SUCLG2: variants seen among roughly 807,000 people sequenced by gnomAD.
SUCLG2 encodes succinate--CoA ligase [GDP-forming] subunit beta, mitochondrial.
SUCLG2 carries 42 observed loss-of-function variants against 47.9 expected under a neutral mutation model. The ratio of observed to expected loss-of-function variants is 0.88; its 90% CI spans 0.69 to 1.14. The LOEUF is 1.14. Ranked by LOEUF, SUCLG2 falls within the 50% of genes most tolerant of loss-of-function variation. The probability of loss-of-function intolerance (pLI) is 0.00; values close to 1 mark genes in which losing one functional copy is unlikely to be tolerated. For missense variants in SUCLG2, 571 were observed against 525.9 expected (o/e 1.09, Z -0.84); for synonymous variants, 195 against 197.3 (o/e 0.99, Z 0.10).
At chr3:67,654,018 A>G (rs2107394101) in intron 1 of SUCLG2, among the ~76,000 whole-genome samples, 1 of 152,360 alleles carries the variant, frequency 6.6e-6, no homozygotes, top group South Asian at 2.1e-4. Flanking sequence ...AAAAGCAGGT[A>G]GCCTGCAGGA....
At chr3:67,568,332 G>A (rs191513470) in intron 2 of SUCLG2, among the ~76,000 whole-genome samples, 1 of 152,236 alleles carries the variant, frequency 6.6e-6, no homozygotes, top group East Asian at 1.9e-4. Flanking sequence ...TTTTAAAGTA[G>A]CAAAGTAAGG....
chr3:67,605,483 G>A (rs1002357161), intron 2 of SUCLG2, among the ~76,000 whole-genome samples: 3 of 152,114 alleles, frequency 2.0e-5, no homozygotes, highest in Non-Finnish European at 4.4e-5. Context: ...AGAAATCAGA[G>A]GAGACCTTCC....
chr3:67,396,041 T>C (rs2106802031), intron 10 of SUCLG2, among the ~76,000 whole-genome samples: 1 of 152,062 alleles, frequency 6.6e-6, no homozygotes, highest in South Asian at 2.1e-4. Context: ...GGGAAATTTA[T>C]AGCACTAAAT....
chr3:67,400,026 T>C (rs1024380725), intron 10 of SUCLG2, among the ~76,000 whole-genome samples: 1 of 151,730 alleles, frequency 6.6e-6, no homozygotes, highest in Non-Finnish European at 1.5e-5. Context: ...ACAAACAAAC[T>C]AACAAACAAA....
In SUCLG2 at chr3:67,495,906, A is replaced by T; in HGVS notation, c.954T>A (p.Asp318Glu). The T allele has an allele frequency of 6.2e-7, 1 of 1,614,084 alleles. No individual in the cohort carries two copies. Among genetic ancestry groups the T allele is most frequent in the Non-Finnish European group, 8.5e-7 (1 of 1,179,970 alleles). ...NGAGLAMATCDIIFLNGGKPA... is the reference protein window; with the variant it reads ...NGAGLAMATCEIIFLNGGKPA... ...GCTTCCCACCATTAAGGAAAATGAT[A>T]TCACAAGTAGCCATGGCGAGCCCAG... is the stretch of plus-strand genomic sequence containing the variant. Residue 318 changes from aspartate (D) to glutamate (E), a missense_variant, in exon 9 of 11, where the codon GAT becomes GAA. Coordinates refer to ENST00000307227, the MANE Select transcript of SUCLG2 (RefSeq NM_003848.4).
At chr3:67,649,168 T>C (rs767848979) in intron 1 of SUCLG2, among the ~76,000 whole-genome samples, 8 of 152,156 alleles carry the variant, frequency 5.3e-5, no homozygotes, top group Non-Finnish European at 8.8e-5. Context: ...TCAGAGGGAA[T>C]AGTTCTGCAG....
chr3:67,562,058 G>C (rs905537942), intron 2 of SUCLG2, among the ~76,000 whole-genome samples: 2 of 152,026 alleles, frequency 1.3e-5, no homozygotes, highest in Non-Finnish European at 1.5e-5. Context: ...ATTTTTGATG[G>C]GGGAAATGGG....
exon 11 of SUCLG2, chr3:67,360,505 C>G: frequency 9.8e-7 from 1 of 1,024,010 alleles, no homozygotes; most frequent in Non-Finnish European, 1.4e-6. Context: ...AGCTATAAGC[C>G]ATGCCCTTCC....
At chr3:67,400,662 T>C in intron 10 of SUCLG2, 69 bp downstream of exon 10, 2 of 1,584,436 alleles carry the variant, frequency 1.3e-6, no homozygotes, top group Admixed American at 3.8e-5. Flanking sequence ...AGTTTGTGAA[T>C]CCAGAACATG....
intron 9 of SUCLG2, among the ~76,000 whole-genome samples, chr3:67,422,399 C>T (rs557848044): frequency 1.1e-4 from 16 of 141,442 alleles, no homozygotes; most frequent in Non-Finnish European, 2.0e-4. Context: ...CGCTTGAACC[C>T]GGGAAGTGGA....
At chr3:67,391,379 C>A (rs1364438786) in intron 10 of SUCLG2, among the ~76,000 whole-genome samples, 2 of 152,032 alleles carry the variant, frequency 1.3e-5, no homozygotes, top group African/African-American at 4.8e-5. Context: ...AAGAAGGACA[C>A]AATTTGCACT....
intron 2 of SUCLG2, among the ~76,000 whole-genome samples, chr3:67,546,892 C>T (rs1016255206): frequency 5.9e-5 from 9 of 152,210 alleles, no homozygotes; most frequent in African/African-American, 2.2e-4. Context: ...CAGAGTGAGA[C>T]TCCATCCCAA....
intron 10 of SUCLG2, among the ~76,000 whole-genome samples, chr3:67,385,794 T>C (rs1240280211): frequency 6.6e-6 from 1 of 152,222 alleles, no homozygotes; most frequent in Non-Finnish European, 1.5e-5. Flanking sequence ...TCTATTTTAT[T>C]TCTTACTGGG....
At chr3:67,604,224 A>G (rs1708480916) in intron 2 of SUCLG2, among the ~76,000 whole-genome samples, 1 of 152,228 alleles carries the variant, frequency 6.6e-6, no homozygotes, top group Admixed American at 6.5e-5. Flanking sequence ...CTACACAGCA[A>G]AAGGTTCTAT....
At chr3:67,589,227 A>G (rs1295690902) in intron 2 of SUCLG2, among the ~76,000 whole-genome samples, 1 of 152,042 alleles carries the variant, frequency 6.6e-6, no homozygotes, top group Non-Finnish European at 1.5e-5. Flanking sequence ...TCCCACCCTT[A>G]TTTTTCCATC....
intron 2 of SUCLG2, among the ~76,000 whole-genome samples, chr3:67,548,459 G>A (rs1432475434): frequency 6.6e-6 from 1 of 152,174 alleles, no homozygotes; most frequent in South Asian, 2.1e-4. Flanking sequence ...CATCAGTACA[G>A]TTAAACTCTT....
intron 9 of SUCLG2, among the ~76,000 whole-genome samples, chr3:67,491,608 T>C (rs1705208535): frequency 6.6e-6 from 1 of 152,078 alleles, no homozygotes; most frequent in East Asian, 1.9e-4. Flanking sequence ...TCTGCCCACT[T>C]CGGCCTCCCA....
At chr3:67,508,945 A>G (rs757069551) in intron 6 of SUCLG2, 42 bp from the exon 7 acceptor site, 1 of 1,448,302 alleles carries the variant, frequency 6.9e-7, no homozygotes. Flanking sequence ...CAAAGCAGTA[A>G]AAGAAAATTT....
rs1395574342 is a variant in SUCLG2 at position 67,529,092 on chromosome 3, T to C, written c.321A>G (p.Thr107=). 1.9e-6 allele frequency: 3 copies of C among 1,610,300 alleles called. No homozygotes were observed. Among genetic ancestry groups the C allele is most frequent in the Admixed American group, 1.7e-5 (1 of 59,602 alleles). Residue 107 remains threonine, a synonymous_variant, in exon 3 of 11, where the codon ACA becomes ACG. Coordinates refer to ENST00000307227, the MANE Select transcript of SUCLG2 (RefSeq NM_003848.4). ...ATAACAACCTCCAGACTTACTCTTT[T>C]GTTAAATGAACACCTCCTTTCAAAC... is the stretch of plus-strand genomic sequence containing the variant. The part of the protein sequence containing the change: ...NSGLKGGVHL[T]KDPNVVGQLA...
Sources: gnomAD v4.1 joint callset for allele counts (sites outside exome capture counted in the v4.1 genomes callset) on GRCh38, gnomAD v4.1.1 for gene constraint, MANE v1.5 for transcripts, NCBI Gene and HGNC (gene_info 2026-07-23, HGNC 2026-07-21) for gene names.